Variants in FSTL5 observed in about 807,000 individuals in gnomAD.
FSTL5 encodes the protein follistatin like 5.
FSTL5 carries 62 observed loss-of-function variants against 89.1 expected under a neutral mutation model. The ratio of observed to expected loss-of-function variants is 0.70; its 90% CI spans 0.57 to 0.86. FSTL5 has a LOEUF of 0.86. Ranked by LOEUF, FSTL5 falls within the 40% of genes least tolerant of loss-of-function variation. The pLI, the probability that FSTL5 is intolerant of heterozygous loss-of-function variation, is 0.00. For missense variants in FSTL5, 1,057 were observed against 1,001.6 expected (o/e 1.06, Z -0.75); for synonymous variants, 383 against 346.2 (o/e 1.11, Z -1.18).
chr4:162,044,392 A>G (rs1738092596), intron 2 of FSTL5, among the ~76,000 whole-genome samples: 1 of 152,212 alleles, frequency 6.6e-6, no homozygotes, highest in Non-Finnish European at 1.5e-5. Flanking sequence ...AGCTTAAAAT[A>G]TTCAGTAAAC....
At chr4:161,504,829 G>T (rs374171139) in intron 11 of FSTL5, among the ~76,000 whole-genome samples, 13 of 151,994 alleles carry the variant, frequency 8.6e-5, no homozygotes, top group African/African-American at 2.4e-4. Flanking sequence ...GTGAAATATA[G>T]TTATACTACC....
chr4:161,517,829 A>T (rs1470169046), intron 10 of FSTL5, among the ~76,000 whole-genome samples: 1 of 152,174 alleles, frequency 6.6e-6, no homozygotes, highest in Non-Finnish European at 1.5e-5. Context: ...GATAACATTT[A>T]AATTAGATGT....
At chr4:162,163,467 ATAGT>A (rs1733773148) in intron 1 of FSTL5, 144 bp downstream of exon 1, 1 of 139,560 alleles carries the variant, frequency 7.2e-6, no homozygotes, top group Admixed American at 7.1e-5. Flanking sequence ...AATAATAATA[ATAGT>A]AATTATTAAA....
chr4:161,413,883 G>A (rs1046939594), intron 15 of FSTL5, among the ~76,000 whole-genome samples: 15 of 152,086 alleles, frequency 9.9e-5, no homozygotes, highest in African/African-American at 2.9e-4. Context: ...TCATGTGGAC[G>A]TAAATACAGG....
At chr4:161,539,881 C>A (rs12648952) in intron 9 of FSTL5, among the ~76,000 whole-genome samples, 1 of 144,338 alleles carries the variant, frequency 6.9e-6, no homozygotes, top group Non-Finnish European at 1.5e-5. Flanking sequence ...ATATAAGATA[C>A]GGCCTCCTCC....
chr4:161,522,308 T>C (rs1731063112), intron 10 of FSTL5, among the ~76,000 whole-genome samples: 1 of 152,170 alleles, frequency 6.6e-6, no homozygotes, highest in Non-Finnish European at 1.5e-5. Flanking sequence ...GTGGTAAGAA[T>C]GAACGTAGGC....
intron 13 of FSTL5, among the ~76,000 whole-genome samples, chr4:161,476,210 A>G (rs1172265796): frequency 4.3e-5 from 2 of 46,572 alleles, no homozygotes; most frequent in Non-Finnish European, 7.7e-5. Context: ...TTTTTGAGAA[A>G]GAGTTTTGCT....
At chr4:161,457,806 A>G (rs1733414562) in intron 14 of FSTL5, among the ~76,000 whole-genome samples, 1 of 152,208 alleles carries the variant, frequency 6.6e-6, no homozygotes, top group African/African-American at 2.4e-5. Context: ...ATCTCAATTA[A>G]CAAGCACCTA....
intron 10 of FSTL5, among the ~76,000 whole-genome samples, chr4:161,513,533 G>A (rs1278934968): frequency 2.6e-5 from 4 of 152,096 alleles, no homozygotes; most frequent in Admixed American, 6.6e-5. Flanking sequence ...AAAGACACAT[G>A]CACACATATA....
intron 4 of FSTL5, among the ~76,000 whole-genome samples, chr4:161,838,338 G>A (rs747510910): frequency 2.0e-5 from 3 of 152,164 alleles, no homozygotes; most frequent in Non-Finnish European, 2.9e-5. Flanking sequence ...GAGCGCAGAG[G>A]CGTGATCTCA....
At chr4:162,112,103 T>C (rs1183731235) in intron 1 of FSTL5, among the ~76,000 whole-genome samples, 1 of 152,196 alleles carries the variant, frequency 6.6e-6, no homozygotes. Flanking sequence ...ACTAAGTCCT[T>C]TTCAAACATA....
intron 5 of FSTL5, among the ~76,000 whole-genome samples, chr4:161,761,440 A>G (rs1342065159): frequency 6.6e-6 from 1 of 152,130 alleles, no homozygotes; most frequent in Non-Finnish European, 1.5e-5. Flanking sequence ...CATTGTGGTA[A>G]TATTTAGGAT....
intron 8 of FSTL5, among the ~76,000 whole-genome samples, chr4:161,563,994 A>G (rs916813389): frequency 1.3e-5 from 2 of 151,936 alleles, no homozygotes; most frequent in South Asian, 2.1e-4. Flanking sequence ...TATTATCTGC[A>G]TATTATAATA....
At chr4:161,606,240 A>T (rs367941882) in intron 7 of FSTL5, among the ~76,000 whole-genome samples, 9 of 117,872 alleles carry the variant, frequency 7.6e-5, no homozygotes, top group Admixed American at 9.2e-5. Flanking sequence ...ATTATCTGTG[A>T]TTTTTTTTTT....
rs182256448 is a variant in FSTL5, at chr4:162,030,157, T to C, written c.160+3468A>G. On this transcript the variant is annotated intron_variant, in intron 3 of 15. Transcript: ENST00000306100. ...CTGGTCTTGAACTCCTGACCTCAAG[T>C]GATCCAACCACCTTGGTCTCCCAAA... 5.5e-4 allele frequency among the ~76,000 whole-genome samples: 83 copies of C among 152,194 alleles called. No homozygotes were observed. In the East Asian group the frequency reaches 0.014, roughly 26 times the overall value.
chr4:161,746,842 A>T (rs1400279449), intron 6 of FSTL5, among the ~76,000 whole-genome samples: 1 of 151,990 alleles, frequency 6.6e-6, no homozygotes, highest in East Asian at 1.9e-4. Flanking sequence ...ACTAATTTCT[A>T]GTTTGCACTT....
At chr4:161,877,760 A>G (rs1006721190) in intron 4 of FSTL5, among the ~76,000 whole-genome samples, 21 of 151,926 alleles carry the variant, frequency 1.4e-4, no homozygotes, top group African/African-American at 4.8e-4. Flanking sequence ...CGAGAGGCGG[A>G]GCTTGCAGTG....
At chr4:161,803,110 A>T (rs891431199) in intron 4 of FSTL5, among the ~76,000 whole-genome samples, 3 of 151,954 alleles carry the variant, frequency 2.0e-5, no homozygotes, top group African/African-American at 7.2e-5. Context: ...CATAAGGCCA[A>T]AACTTACTTA....
intron 4 of FSTL5, among the ~76,000 whole-genome samples, chr4:161,776,456 C>T (rs11100387): frequency 2.9e-4 from 42 of 143,516 alleles, no homozygotes; most frequent in African/African-American, 1.2e-3. Flanking sequence ...AAATGAAGTA[C>T]AAGAAGGTGA....
Sources: allele counts gnomAD v4.1 joint callset (sites outside exome capture counted in the v4.1 genomes callset), GRCh38; gene constraint gnomAD v4.1.1; transcripts MANE v1.5; gene names NCBI Gene and HGNC (gene_info 2026-07-23, HGNC 2026-07-21).